The following PFKP variants were observed in gnomAD, a reference collection of about 807,000 sequenced individuals.
PFKP encodes phosphofructokinase, platelet.
Under a neutral mutation model 94.3 loss-of-function variants are expected in PFKP, and 101 were observed. That is an observed-to-expected ratio of 1.07 (90% CI 0.91 to 1.26). The LOEUF is 1.26. PFKP is among the 50% of genes most tolerant of loss of function. The pLI, the probability that PFKP is intolerant of heterozygous loss-of-function variation, is 0.00. For missense variants in PFKP, 1,145 were observed against 1,103.3 expected (o/e 1.04, Z -0.53); for synonymous variants, 573 against 432.6 (o/e 1.32, Z -4.03).
Position 3,102,438 on chromosome 10 carries a change from G to C in PFKP, c.454+884G>C, listed in dbSNP as rs565548557. Among the ~76,000 whole-genome samples the C allele has an allele frequency of 9.2e-3, 399 of 43,294 alleles. 1 individual carries two copies. The highest frequency in any genetic ancestry group is 0.028 in the African/African-American group (367 of 13,164). 28.4% of individuals were successfully genotyped at this position (43,294 alleles called of 152,430 possible). A position where few individuals can be genotyped will look rare whatever the true frequency, so the allele number is the denominator to read the frequency against. ...GTTTGATTTTGTTTGTTTTGAGACA[G>C]AGTCTTTCTCCATTGCCCAGGCTGG... On this transcript the variant is annotated intron_variant, in intron 4 of 21. Transcript: ENST00000381125.
chr10:3,110,410 G>A (rs1411852653), intron 10 of PFKP, among the ~76,000 whole-genome samples: 15 of 148,792 alleles, frequency 1.0e-4, no homozygotes. Context: ...TAGAGGTGGG[G>A]TTTCACCGTG....
chr10:3,121,831 C>CTTTTTTTTTTTTT (rs71497862), intron 16 of PFKP, among the ~76,000 whole-genome samples: 1 of 34,556 alleles, frequency 2.9e-5, no homozygotes, highest in Non-Finnish European at 5.7e-5. Flanking sequence ...TTTTTTTTTT[C>CTTTTTTTTTTTTT]TTTTTTTGGA....
intron 2 of PFKP, among the ~76,000 whole-genome samples, chr10:3,090,720 A>C (rs917328578): frequency 1.3e-5 from 2 of 152,166 alleles, no homozygotes; most frequent in African/African-American, 2.4e-5. Context: ...TGACAGTCAA[A>C]GATGTCCTTA....
At chr10:3,122,416 C>G (rs1837520321) in intron 16 of PFKP, among the ~76,000 whole-genome samples, 1 of 152,178 alleles carries the variant, frequency 6.6e-6, no homozygotes, top group South Asian at 2.1e-4. Flanking sequence ...GGGAGAGGGA[C>G]CGATATGTGA....
chr10:3,119,968 C>T lies in PFKP; in HGVS notation c.1607C>T (p.Pro536Leu). Residue 536 changes from proline to leucine, a missense_variant, in exon 16 of 22, where the codon CCC becomes CTC. By Grantham distance (98) the Pro-to-Leu change is moderately conservative (BLOSUM62 -3). Coordinates refer to ENST00000381125, the MANE Select transcript of PFKP (RefSeq NM_002627.5). The stretch of plus-strand genomic sequence containing the variant: ...TTCTGTGTCCCCATGGTCATGGTTC[C>T]CGCTACTGTGTCCAACAATGTGCCG... ...EEFCVPMVMV[P>L]ATVSNNVPGS... is the part of the protein sequence containing the mutation. The T allele has an allele frequency of 1.9e-6, 3 of 1,614,132 alleles. No individual in the cohort carries two copies. Among genetic ancestry groups the T allele is most frequent in the Non-Finnish European group, 2.5e-6 (3 of 1,179,998 alleles).
chr10:3,087,593 A>G (rs992898365), intron 2 of PFKP, among the ~76,000 whole-genome samples: 26 of 152,248 alleles, frequency 1.7e-4, no homozygotes, highest in Admixed American at 9.2e-4. Flanking sequence ...AGTAAGTGGC[A>G]CCTTCGAAGC....
intron 19 of PFKP, among the ~76,000 whole-genome samples, chr10:3,133,586 A>C (rs1020157769): frequency 1.8e-4 from 28 of 152,086 alleles, no homozygotes; most frequent in African/African-American, 6.5e-4. Context: ...ACCCACCACC[A>C]CACCCAGCTA....
At chr10:3,108,873 A>T (rs1291425632) in intron 9 of PFKP, 80 bp downstream of exon 9, 5 of 1,045,246 alleles carry the variant, frequency 4.8e-6, no homozygotes, top group Non-Finnish European at 4.5e-6. Context: ...CCAGCCGGCC[A>T]CAGAGGCTGG....
intron 2 of PFKP, among the ~76,000 whole-genome samples, chr10:3,097,928 G>C (rs1439699611): frequency 6.6e-6 from 1 of 152,160 alleles, no homozygotes; most frequent in Non-Finnish European, 1.5e-5. Flanking sequence ...AGAATTGCTT[G>C]AACCTGGGAG....
intron 1 of PFKP, among the ~76,000 whole-genome samples, chr10:3,081,905 G>A (rs1346861122): frequency 6.9e-6 from 1 of 143,958 alleles, no homozygotes; most frequent in Non-Finnish European, 1.5e-5. Context: ...ATGGTTATTT[G>A]TAATATGCTG....
At chr10:3,068,661 C>T (rs886718587) in intron 1 of PFKP, 5 of 985,344 alleles carry the variant, frequency 5.1e-6, no homozygotes, top group South Asian at 4.7e-5. Context: ...GGCGGAGACT[C>T]GGCGCGCCCC....
intron 2 of PFKP, among the ~76,000 whole-genome samples, chr10:3,091,332 C>T (rs977371169): frequency 7.2e-5 from 11 of 152,140 alleles, no homozygotes; most frequent in Admixed American, 5.9e-4. Flanking sequence ...GGTAAACTAC[C>T]CTGGCTCTGG....
chr10:3,105,523 T>C (rs373773910), intron 7 of PFKP, 22 bp downstream of exon 7: 2 of 1,509,300 alleles, frequency 1.3e-6, no homozygotes, highest in South Asian at 1.1e-5. Flanking sequence ...CCCGTGGCCG[T>C]TGATAGCGGG....
At chr10:3,100,657 C>T (rs1425018852) in intron 3 of PFKP, among the ~76,000 whole-genome samples, 1 of 152,086 alleles carries the variant, frequency 6.6e-6, no homozygotes, top group South Asian at 2.1e-4. Context: ...TCAGCACGCG[C>T]TTAGGGATCC....
At chr10:3,103,589 A>T (rs373028737) in intron 4 of PFKP, among the ~76,000 whole-genome samples, 190 bp from the exon 5 acceptor site, 1 of 152,238 alleles carries the variant, frequency 6.6e-6, no homozygotes, top group African/African-American at 2.4e-5. Context: ...TGATGGTGCC[A>T]CTGCACTCCA....
chr10:3,073,816 T>C (rs1480783729), intron 1 of PFKP, among the ~76,000 whole-genome samples: 1 of 151,924 alleles, frequency 6.6e-6, no homozygotes. Flanking sequence ...TATTTCTGTG[T>C]GTGTGTGTGT....
intron 21 of PFKP, among the ~76,000 whole-genome samples, chr10:3,136,241 G>A (rs10903974): frequency 0.2 from 31,098 of 152,150 alleles, 3,908 homozygotes; most frequent in Non-Finnish European, 0.29. Flanking sequence ...CTCAAGCCTG[G>A]CGACAGAGCG....
chr10:3,098,411 C>T (rs1834674019), intron 2 of PFKP, among the ~76,000 whole-genome samples: 1 of 151,986 alleles, frequency 6.6e-6, no homozygotes, highest in Non-Finnish European at 1.5e-5. Context: ...CGCGGTGGCT[C>T]ACGCCTGTAA....
At chr10:3,116,448 C>CTTG (rs1564329289) in intron 13 of PFKP, among the ~76,000 whole-genome samples, 1 of 152,210 alleles carries the variant, frequency 6.6e-6, no homozygotes, top group East Asian at 1.9e-4. Context: ...CTTTTACCAA[C>CTTG]TTAGAAACCA....
Sources: allele counts gnomAD v4.1 joint callset (sites outside exome capture counted in the v4.1 genomes callset), GRCh38; gene constraint gnomAD v4.1.1; transcripts MANE v1.5; gene names NCBI Gene and HGNC (gene_info 2026-07-23, HGNC 2026-07-21).